The following HTT variants were observed in gnomAD, a reference collection of about 807,000 sequenced individuals.
The protein encoded by HTT is huntington disease protein.
A neutral mutation model predicts 362.3 loss-of-function variants in HTT; 104 were observed. The observed-to-expected ratio is 0.29, with a 90% confidence interval of 0.24 to 0.34. The LOEUF (loss-of-function observed/expected upper bound fraction) is 0.34. Ranked by LOEUF, HTT falls within the 10% of genes least tolerant of loss-of-function variation. The pLI is 1.00. For missense variants in HTT, 3,301 were observed against 3,928.6 expected (o/e 0.84, Z 4.27); for synonymous variants, 1,577 against 1,548.7 (o/e 1.02, Z -0.43).
At chr4:3,209,511 G>T (rs1354967554) in intron 46 of HTT, among the ~76,000 whole-genome samples, 1 of 152,248 alleles carries the variant, frequency 6.6e-6, no homozygotes, top group Non-Finnish European at 1.5e-5. Context: ...TTGCTGGGGA[G>T]AGATGAGTAA....
intron 40 of HTT, among the ~76,000 whole-genome samples, chr4:3,196,502 C>T (rs1357904598): frequency 1.3e-5 from 2 of 152,156 alleles, no homozygotes; most frequent in Non-Finnish European, 2.9e-5. Context: ...CTTTGGGAAG[C>T]CAAGGTGGGC....
chr4:3,206,562 A>G lies in HTT; in HGVS notation c.5785A>G (p.Ser1929Gly). ...LIVNHIQDLI[S>G]LSHEPPVQDF... ...TGTAAATCACATTCAAGATCTGATC[A>G]GCCTTTCCCACGAGCCTCCAGTACA... Residue 1929 changes from serine to glycine, a missense_variant, in exon 43 of 67, where the codon AGC becomes GGC. Ser to Gly is a moderately conservative substitution (Grantham distance 56). Transcript: ENST00000355072. This position sits in a 1 kb window ranked among gnomAD's most constrained non-coding sequence, Gnocchi z 4.6. 6.2e-7 allele frequency: 1 copy of G among 1,614,088 alleles called. No homozygotes were observed. The highest frequency in any genetic ancestry group is 8.5e-7 in the Non-Finnish European group (1 of 1,179,970).
Position 3,130,353 on chromosome 4 carries a change from C to T in HTT, c.1916C>T (p.Pro639Leu), listed in dbSNP as rs1446232690. 4 of 1,608,020 alleles carry T rather than the reference C, an allele frequency of 2.5e-6. No homozygotes were observed. The highest frequency in any genetic ancestry group is 1.7e-5 in the Admixed American group (1 of 59,470). The change falls in exon 14 of 67, where the codon CCT becomes CTT. Residue 639 changes from proline to leucine, a missense_variant. Physicochemically the swap from Pro to Leu is moderately conservative, Grantham distance 98. Coordinates refer to ENST00000355072, the MANE Select transcript of HTT (RefSeq NM_001388492.1). Reference protein sequence around the residue: ...LLKNMSHCRQPSDSSVDKFVL... With the variant: ...LLKNMSHCRQLSDSSVDKFVL... ...AAAAACATGAGTCACTGCAGGCAGC[C>T]TTCTGACAGCAGTGTTGATAAATTT...
At position 3,218,067 on chromosome 4, in the gene HTT, C is replaced by A; in HGVS notation, c.7242+115C>A. The A allele has an allele frequency of 1.1e-6, 1 of 895,816 alleles. No homozygotes were observed. Among genetic ancestry groups the A allele is most frequent in the Non-Finnish European group, 1.6e-6 (1 of 607,364 alleles). 55.5% of individuals were successfully genotyped at this position (895,816 alleles called of 1,614,324 possible). On this transcript the variant is annotated intron_variant, in intron 52 of 66. Coordinates refer to ENST00000355072, the MANE Select transcript of HTT (RefSeq NM_001388492.1). The surrounding 1 kb of genome is among the most constrained non-coding windows in gnomAD (Gnocchi z 4.4). The stretch of plus-strand genomic sequence containing the variant: ...ATCCCCGCAGCCCAGAGGCTGCCTG[C>A]TGTGGTTCTGGTGCCCACTGTGGTT...
intron 23 of HTT, among the ~76,000 whole-genome samples, chr4:3,143,606 TA>T (rs1716456202): frequency 6.7e-6 from 1 of 150,156 alleles, no homozygotes. Flanking sequence ...TTTTTAATTT[TA>T]TTATTTTTTT....
chr4:3,236,071 C>T lies in HTT; in HGVS notation c.8786-78C>T. The T allele has an allele frequency of 2.9e-6, 3 of 1,024,904 alleles. No homozygotes were observed. The Admixed American group carries it at 5.1e-5, about 17-fold the overall frequency. The allele number at this position is 1,024,904 out of a possible 1,614,324, so 63.5% of individuals were successfully genotyped here. On this transcript the variant is annotated intron_variant, in intron 63 of 66. Transcript: ENST00000355072. ...TCAGATCTCCAGGGACTCACTGGAC[C>T]CCTGTGTACAAAGCACTGTCTACAG... is the stretch of plus-strand genomic sequence containing the variant.
intron 2 of HTT, among the ~76,000 whole-genome samples, chr4:3,092,260 G>T (rs1713550637): frequency 6.6e-6 from 1 of 152,186 alleles, no homozygotes; most frequent in South Asian, 2.1e-4. Context: ...CTGACCTCAT[G>T]ATCCGCGCCC....
At chr4:3,093,746 A>G (rs1370328699) in intron 2 of HTT, among the ~76,000 whole-genome samples, 2 of 152,018 alleles carry the variant, frequency 1.3e-5, no homozygotes, top group East Asian at 3.9e-4. Flanking sequence ...TGGCCTTGAA[A>G]ATTGGAGTGA....
Position 3,154,411 on chromosome 4 carries a change from C to G in HTT, c.3617C>G (p.Ala1206Gly), listed in dbSNP as rs374256421. The G allele has an allele frequency of 4.3e-6, 7 of 1,613,674 alleles. No homozygotes were observed. In the African/African-American group the frequency reaches 9.3e-5, roughly 22 times the overall value. ...VPLSPKKGSE[A>G]SAASRQSDTS... is the part of the protein sequence containing the mutation. ...TTGAGTCCCAAGAAAGGCAGTGAGG[C>G]CAGTGCAGGTAGGAAACAGCGTGGG... The change falls in exon 27 of 67, where the codon GCC becomes GGC. Residue 1206 changes from alanine (A) to glycine (G), a missense_variant. Transcript: ENST00000355072.
intron 61 of HTT, among the ~76,000 whole-genome samples, chr4:3,234,752 C>G (rs928655304): frequency 6.6e-6 from 1 of 152,176 alleles, no homozygotes; most frequent in Non-Finnish European, 1.5e-5. Context: ...ATACGCATCA[C>G]TGGGCACGTT....
At chr4:3,125,355 T>TTTA (rs895521712) in intron 10 of HTT, among the ~76,000 whole-genome samples, 194 bp from the exon 11 acceptor site, 6 of 152,236 alleles carry the variant, frequency 3.9e-5, no homozygotes, top group African/African-American at 1.2e-4. Context: ...TTGACTTTAA[T>TTTA]AGCATTCTAA....
chr4:3,172,433 G>A (rs766258972), intron 30 of HTT, 36 bp downstream of exon 30: 26 of 1,365,464 alleles, frequency 1.9e-5, no homozygotes, highest in East Asian at 2.3e-5. Flanking sequence ...CTGTTAAGAC[G>A]TTCGGGTATG....
intron 5 of HTT, among the ~76,000 whole-genome samples, chr4:3,105,655 A>G (rs1243396324): frequency 2.0e-5 from 3 of 152,156 alleles, no homozygotes; most frequent in Non-Finnish European, 4.4e-5. Flanking sequence ...ACCCTTCCGC[A>G]AGAGACTTAT....
rs375318832 is a variant in HTT, at chr4:3,180,939, C to T, written c.4749+288C>T. 1.2e-3 allele frequency: 317 copies of T among 260,088 alleles called. 2 individuals are homozygous for T. Among genetic ancestry groups the T allele is most frequent in the Admixed American group, 2.6e-3 (48 of 18,464 alleles). 16.1% of individuals were successfully genotyped at this position (260,088 alleles called of 1,614,324 possible). On this transcript the variant is annotated intron_variant, in intron 36 of 66. Coordinates refer to ENST00000355072, the MANE Select transcript of HTT (RefSeq NM_001388492.1). ...TCGCCCAGGCTGGAGTGTGGTGGCA[C>T]GATCTTGGCTCATTGCAAGCTCCAC...
At chr4:3,123,006 T>C in intron 10 of HTT, 70 bp downstream of exon 10, 1 of 1,250,760 alleles carries the variant, frequency 8.0e-7, no homozygotes, top group South Asian at 1.3e-5. Flanking sequence ...TAATGTAATG[T>C]ATCTTGTATT....
intron 33 of HTT, among the ~76,000 whole-genome samples, chr4:3,176,541 G>A (rs1428573524): frequency 1.3e-5 from 2 of 152,212 alleles, no homozygotes; most frequent in Non-Finnish European, 2.9e-5. Flanking sequence ...GGCAGCAGGG[G>A]CTGAGAGGAG....
At chr4:3,113,617 A>G (rs1245420272) in intron 6 of HTT, among the ~76,000 whole-genome samples, 1 of 152,238 alleles carries the variant, frequency 6.6e-6, no homozygotes, top group Non-Finnish European at 1.5e-5. Context: ...GGTGTGAGCC[A>G]CTGAGCTTGG....
In HTT at chr4:3,087,040, T is replaced by G. The variant is rs1713245481; in HGVS notation, c.347+18T>G. On this transcript the variant is annotated intron_variant, in intron 2 of 66. Transcript: ENST00000355072. ...TCTGTCAGGTAATTGCACTTTGAAC[T>G]GTCTAGAGAAAATAAGAACTTTGTA... 1 of 1,380,236 alleles carries G rather than the reference T, an allele frequency of 7.2e-7. No individual in the cohort carries two copies. Among genetic ancestry groups the G allele is most frequent in the South Asian group, 1.2e-5 (1 of 80,102 alleles). 85.5% of individuals were successfully genotyped at this position (1,380,236 alleles called of 1,614,324 possible).
chr4:3,122,173 G>C (rs1159438242), intron 9 of HTT, among the ~76,000 whole-genome samples: 1 of 152,190 alleles, frequency 6.6e-6, no homozygotes, highest in Non-Finnish European at 1.5e-5. Flanking sequence ...CCATGCTCTT[G>C]GGGCTGGGCC....
Sources: gnomAD v4.1 joint callset for allele counts (sites outside exome capture counted in the v4.1 genomes callset) on GRCh38, gnomAD v4.1.1 for gene constraint, Gnocchi (gnomAD v3.1) non-coding constraint, MANE v1.5 for transcripts, NCBI Gene and HGNC (gene_info 2026-07-23, HGNC 2026-07-21) for gene names.